Variants in CRAMP1 observed in about 807,000 individuals in gnomAD.
CRAMP1 encodes the protein protein cramped-like.
Under a neutral mutation model 115.4 loss-of-function variants are expected in CRAMP1, and 50 were observed. The observed-to-expected ratio is 0.43, with a 90% CI of 0.35 to 0.55. CRAMP1 has a LOEUF of 0.55. CRAMP1 is among the 20% of genes least tolerant of loss of function. The pLI, the probability that CRAMP1 is intolerant of heterozygous loss-of-function variation, is 0.01. For missense variants in CRAMP1, 1,679 were observed against 1,721.7 expected (o/e 0.98, Z 0.44); for synonymous variants, 866 against 745.4 (o/e 1.16, Z -2.64).
Position 1,612,396 on chromosome 16 carries a change from T to G in CRAMP1, c.-263T>G, listed in dbSNP as rs1283476079. 6.6e-6 allele frequency: 1 copy of G among 151,494 alleles called. No homozygotes were observed. The highest frequency in any genetic ancestry group is 1.5e-5 in the Non-Finnish European group (1 of 67,728). 9.4% of individuals were successfully genotyped at this position (151,494 alleles called of 1,614,324 possible). ...CGGCCGCCGTAGCCGGAACTGCTGC[T>G]GAGGGCGGCGGGCCGGCTTCGCTAG... On this transcript the variant is annotated 5_prime_UTR_variant, in exon 1 of 21. Coordinates refer to ENST00000397412, the MANE Select transcript of CRAMP1 (RefSeq NM_020825.4).
chr16:1,662,095 C>T (rs1288430297), intron 11 of CRAMP1, among the ~76,000 whole-genome samples: 2 of 152,192 alleles, frequency 1.3e-5, no homozygotes, highest in Non-Finnish European at 2.9e-5. Flanking sequence ...GCCCCAGAGA[C>T]GGTGTGGTCT....
At chr16:1,619,201 G>C (rs746300995) in intron 2 of CRAMP1, among the ~76,000 whole-genome samples, 8 of 152,180 alleles carry the variant, frequency 5.3e-5, no homozygotes, top group Non-Finnish European at 1.0e-4. Context: ...TTGTTTTTGA[G>C]ACGGAGTCTC....
chr16:1,626,289 C>A, intron 3 of CRAMP1, 123 bp downstream of exon 3: 1 of 919,166 alleles, frequency 1.1e-6, no homozygotes, highest in Non-Finnish European at 1.6e-6. Context: ...GCGACCCCCG[C>A]AGTGGCGGAG....
At chr16:1,647,040 C>A (rs1342494161) in intron 6 of CRAMP1, 1 of 702,892 alleles carries the variant, frequency 1.4e-6, no homozygotes, top group African/African-American at 1.7e-5. Context: ...TACAAACAAA[C>A]AGGAAACCTG....
chr16:1,646,965 T>G, intron 6 of CRAMP1: 1 of 698,924 alleles, frequency 1.4e-6, no homozygotes, highest in South Asian at 1.5e-5. Context: ...ACCGTGTGGT[T>G]CCATTCTGGA....
chr16:1,631,595 A>G (rs2036548521), intron 3 of CRAMP1, among the ~76,000 whole-genome samples: 1 of 152,258 alleles, frequency 6.6e-6, no homozygotes. Context: ...TCTCTATGGC[A>G]GTGCCTGAAG....
At chr16:1,622,695 A>G (rs2036474962) in intron 2 of CRAMP1, among the ~76,000 whole-genome samples, 1 of 150,532 alleles carries the variant, frequency 6.6e-6, no homozygotes, top group Admixed American at 6.6e-5. Context: ...CAGTCTTCCT[A>G]CCTCAGCCAC....
rs148184358 is a variant in CRAMP1 at position 1,635,893 on chromosome 16, C to T, written c.695-1931C>T. Among the ~76,000 whole-genome samples the T allele has an allele frequency of 2.2e-3, 331 of 152,262 alleles. 1 individual carries two copies. Among genetic ancestry groups the T allele is most frequent in the African/African-American group, 7.5e-3 (313 of 41,540 alleles). On this transcript the variant is annotated intron_variant, in intron 4 of 20. Coordinates refer to ENST00000397412, the MANE Select transcript of CRAMP1 (RefSeq NM_020825.4). Reference sequence around the variant, plus strand: ...TGGATGTTTCATAGAAATGGGATCACGTGCTATGTGTCCTTCTGTGCCTGG... The same window carrying T: ...TGGATGTTTCATAGAAATGGGATCATGTGCTATGTGTCCTTCTGTGCCTGG...
chr16:1,641,715 G>T (rs1337052138), intron 6 of CRAMP1, among the ~76,000 whole-genome samples: 2 of 152,198 alleles, frequency 1.3e-5, no homozygotes, highest in Admixed American at 1.3e-4. Flanking sequence ...TGGTCCAGTT[G>T]ACATCTGCCC....
At chr16:1,615,317 C>T (rs1003771335) in intron 2 of CRAMP1, among the ~76,000 whole-genome samples, 2 of 152,044 alleles carry the variant, frequency 1.3e-5, no homozygotes, top group South Asian at 4.1e-4. Flanking sequence ...AGTTCGGAAA[C>T]GGGAAGAGAA....
In CRAMP1 at chr16:1,632,265, G is replaced by A; in HGVS notation, c.594G>A (p.Lys198=). The part of the protein sequence containing the change: ...IQNNIALKYK[K]KGKPASMVKN... Reference sequence around the variant, plus strand: ...ACAACATTGCGCTGAAGTACAAGAAGAAAGGCAAGCCAGCAAGCATGGTGA... The same window carrying A: ...ACAACATTGCGCTGAAGTACAAGAAAAAAGGCAAGCCAGCAAGCATGGTGA... The change falls in exon 4 of 21, where the codon AAG becomes AAA. Residue 198 remains lysine (K), a synonymous_variant. Coordinates refer to ENST00000397412, the MANE Select transcript of CRAMP1 (RefSeq NM_020825.4). 6.3e-7 allele frequency: 1 copy of A among 1,590,906 alleles called. No individual in the cohort carries two copies. The highest frequency in any genetic ancestry group is 2.3e-5 in the East Asian group (1 of 43,502).
chr16:1,615,254 C>G (rs2036408670), intron 2 of CRAMP1, among the ~76,000 whole-genome samples: 2 of 152,192 alleles, frequency 1.3e-5, no homozygotes, highest in Admixed American at 6.5e-5. Flanking sequence ...TGTTTCCTTT[C>G]CAAAGGATCA....
At chr16:1,636,942 C>T (rs1322875646) in intron 4 of CRAMP1, among the ~76,000 whole-genome samples, 1 of 152,202 alleles carries the variant, frequency 6.6e-6, no homozygotes, top group African/African-American at 2.4e-5. Context: ...TCCACTACTT[C>T]CAGTGGTGTA....
At position 1,653,049 on chromosome 16, in the gene CRAMP1, G is replaced by C; in HGVS notation, c.930G>C (p.Glu310Asp). The stretch of plus-strand genomic sequence containing the variant: ...GCATTGCAGGCTTGAGTGATGAAGA[G>C]GACCAGAAGCCAGTGCGCCTGCCTC... ...LCDPDGLSDE[E>D]DQKPVRLPLK... The change falls in exon 8 of 21, where the codon GAG becomes GAC. Residue 310 changes from glutamate to aspartate, a missense_variant. By Grantham distance (45) the Glu-to-Asp change is conservative (BLOSUM62 2). Around this residue, in one of 8 missense-constraint regions of CRAMP1, gnomAD observed 191 missense variants for 236.2 expected, o/e 0.81. Transcript: ENST00000397412. 6.2e-7 allele frequency: 1 copy of C among 1,612,862 alleles called. No individual in the cohort carries two copies. The highest frequency in any genetic ancestry group is 8.5e-7 in the Non-Finnish European group (1 of 1,179,506).
rs1447937395 is a variant in CRAMP1 at position 1,675,550 on chromosome 16, T to G, written c.*1505T>G. On this transcript the variant is annotated 3_prime_UTR_variant, in exon 21 of 21. Coordinates refer to ENST00000397412, the MANE Select transcript of CRAMP1 (RefSeq NM_020825.4). ...CTCTCCCCATCCACAATGGAGAAGGTGAAAAGAGGAGGGAAAGGCCTTTGG... is the reference window on the plus strand; with the variant it reads ...CTCTCCCCATCCACAATGGAGAAGGGGAAAAGAGGAGGGAAAGGCCTTTGG... 1 of 152,402 alleles carries G rather than the reference T, an allele frequency of 6.6e-6. No homozygotes were observed. The highest frequency in any genetic ancestry group is 1.9e-4 in the East Asian group (1 of 5,166). The allele number at this position is 152,402 out of a possible 1,614,324, so 9.4% of individuals were successfully genotyped here.
chr16:1,658,286 G>C (rs982736091), intron 10 of CRAMP1, among the ~76,000 whole-genome samples: 1 of 152,154 alleles, frequency 6.6e-6, no homozygotes, highest in Non-Finnish European at 1.5e-5. Context: ...CTCGGGGGTC[G>C]CATAGCAGGG....
Position 1,668,799 on chromosome 16 carries a change from C to G in CRAMP1, c.3335-202C>G, listed in dbSNP as rs537689608. ...TGCAACCCGTGGTGGCTACTGCCGT[C>G]GCCTTCACTCCGCTGCGCCCTGCCT... On this transcript the variant is annotated intron_variant, in intron 18 of 20. Transcript: ENST00000397412. 2.4e-4 allele frequency among the ~76,000 whole-genome samples: 36 copies of G among 152,302 alleles called. 1 individual carries two copies. In the South Asian group the frequency reaches 5.8e-3, roughly 25 times the overall value.
chr16:1,664,969 C>T, intron 13 of CRAMP1, 88 bp from the exon 14 acceptor site: 1 of 915,296 alleles, frequency 1.1e-6, no homozygotes, highest in Non-Finnish European at 1.8e-6. Flanking sequence ...GCTGGGCACC[C>T]TCTTACTTGG....
At chr16:1,647,748 T>TAAAAA (rs35279793) in intron 6 of CRAMP1, among the ~76,000 whole-genome samples, 6 of 87,744 alleles carry the variant, frequency 6.8e-5, no homozygotes, top group Non-Finnish European at 1.3e-4. Flanking sequence ...GACTCTGCCT[T>TAAAAA]AAAAAAAAAA....
Sources: gnomAD v4.1 joint callset for allele counts (sites outside exome capture counted in the v4.1 genomes callset) on GRCh38, gnomAD v4.1.1 for gene constraint, gnomAD v4.1.1 regional missense constraint, MANE v1.5 for transcripts, NCBI Gene and HGNC (gene_info 2026-07-23, HGNC 2026-07-21) for gene names.